The following MAPKAP1 variants were observed in gnomAD, a reference collection of about 807,000 sequenced individuals.
MAPKAP1 encodes target of rapamycin complex 2 subunit MAPKAP1.
A neutral mutation model predicts 65.7 loss-of-function variants in MAPKAP1; 20 were observed. The observed-to-expected ratio is 0.30, with a 90% CI of 0.21 to 0.44. MAPKAP1 has a LOEUF of 0.44. MAPKAP1 is among the 20% of genes least tolerant of loss of function. The pLI, the probability that MAPKAP1 is intolerant of heterozygous loss-of-function variation, is 1.00. For synonymous variants in MAPKAP1, 222 were observed against 244.3 expected, an observed-to-expected ratio of 0.91 and a Z score of 0.85; for missense variants, 423 against 648.0, an observed-to-expected ratio of 0.65 and a Z score of 3.77.
chr9:125,569,480 T>A (rs933621132), intron 5 of MAPKAP1, among the ~76,000 whole-genome samples: 1 of 152,206 alleles, frequency 6.6e-6, no homozygotes, highest in East Asian at 1.9e-4. Flanking sequence ...CCGCGGACTA[T>A]CTTAAATTTT....
At chr9:125,443,705 GC>G (rs1241941114) in intron 11 of MAPKAP1, among the ~76,000 whole-genome samples, 1 of 3,858 alleles carries the variant, frequency 2.6e-4, no homozygotes, top group Admixed American at 1.7e-3. Context: ...AGCTCCCCCA[GC>G]CCCCCCAGCC....
intron 8 of MAPKAP1, among the ~76,000 whole-genome samples, chr9:125,500,517 G>A (rs1259912422): frequency 2.6e-5 from 4 of 152,202 alleles, no homozygotes; most frequent in African/African-American, 9.6e-5. Context: ...AAAAAAGGGA[G>A]GAATACAAAT....
intron 6 of MAPKAP1, among the ~76,000 whole-genome samples, chr9:125,551,622 AGATTCT>A (rs1309706573): frequency 6.6e-6 from 1 of 152,026 alleles, no homozygotes; most frequent in Non-Finnish European, 1.5e-5. Context: ...TAACCTAAGG[AGATTCT>A]GACCATTTTA....
intron 3 of MAPKAP1, among the ~76,000 whole-genome samples, chr9:125,669,450 G>A (rs376471615): frequency 5.8e-4 from 88 of 152,146 alleles, no homozygotes; most frequent in Middle Eastern, 3.4e-3. Flanking sequence ...ATTGCACTCC[G>A]GCCTGGGCAA....
At chr9:125,538,529 ATT>A (rs36039886) in intron 7 of MAPKAP1, among the ~76,000 whole-genome samples, 22 of 145,360 alleles carry the variant, frequency 1.5e-4, no homozygotes, top group African/African-American at 4.7e-4. Flanking sequence ...TTTTACTACA[ATT>A]TTTTTTTTTG....
At chr9:125,597,706 C>T (rs73667021) in intron 4 of MAPKAP1, among the ~76,000 whole-genome samples, 3,035 of 152,256 alleles carry the variant, frequency 0.02, 104 homozygotes, top group African/African-American at 0.069. Context: ...CAGATCATTA[C>T]GTGTAATTTT....
At chr9:125,619,230 G>C (rs1156830375) in intron 4 of MAPKAP1, among the ~76,000 whole-genome samples, 1 of 152,138 alleles carries the variant, frequency 6.6e-6, no homozygotes, top group Non-Finnish European at 1.5e-5. Flanking sequence ...AATTTAAAGA[G>C]GGAGTTAACA....
Position 125,580,214 on chromosome 9 carries a change from C to T in MAPKAP1, c.671+5341G>A, listed in dbSNP as rs780762839. The stretch of plus-strand genomic sequence containing the variant: ...TATACCCAAAGGATTATAAATCATG[C>T]TGCTATAAAGACACATGCACACATG... On this transcript the variant is annotated intron_variant, in intron 5 of 11. Coordinates refer to ENST00000265960, the MANE Select transcript of MAPKAP1 (RefSeq NM_001006617.3). Among the ~76,000 whole-genome samples the T allele has an allele frequency of 5.3e-5, 8 of 152,326 alleles. No individual in the cohort carries two copies. In the South Asian group the frequency reaches 8.3e-4, roughly 16 times the overall value.
chr9:125,459,233 G>A (rs1424083349), intron 10 of MAPKAP1, among the ~76,000 whole-genome samples: 10 of 147,990 alleles, frequency 6.8e-5, no homozygotes, highest in Admixed American at 6.0e-4. Context: ...GGGGCAGAGA[G>A]GCTCCTCACT....
At chr9:125,629,912 T>G (rs1833228861) in intron 4 of MAPKAP1, among the ~76,000 whole-genome samples, 1 of 152,184 alleles carries the variant, frequency 6.6e-6, no homozygotes, top group African/African-American at 2.4e-5. Context: ...TAAATGTGGC[T>G]TTTGTAAACA....
chr9:125,566,656 C>A (rs1040027840), intron 5 of MAPKAP1, among the ~76,000 whole-genome samples: 1 of 152,192 alleles, frequency 6.6e-6, no homozygotes, highest in Non-Finnish European at 1.5e-5. Context: ...CTTCATTACA[C>A]CCAAAACTGA....
chr9:125,500,107 T>C (rs575113112), intron 8 of MAPKAP1, among the ~76,000 whole-genome samples: 3 of 152,214 alleles, frequency 2.0e-5, no homozygotes, highest in African/African-American at 4.8e-5. Flanking sequence ...AGAATCTCTA[T>C]AATATACTGT....
chr9:125,565,672 C>G (rs938261085), intron 5 of MAPKAP1: 1 of 419,630 alleles, frequency 2.4e-6, no homozygotes, highest in African/African-American at 2.2e-5. Context: ...TCCAAAACCC[C>G]TCAGGAAAGT....
chr9:125,561,952 G>A (rs1830906415), intron 5 of MAPKAP1, among the ~76,000 whole-genome samples: 1 of 152,176 alleles, frequency 6.6e-6, no homozygotes, highest in Admixed American at 6.5e-5. Flanking sequence ...ACTGTAATGG[G>A]AGTCAACATG....
At chr9:125,676,907 T>C (rs1330278664) in intron 1 of MAPKAP1, among the ~76,000 whole-genome samples, 1 of 152,246 alleles carries the variant, frequency 6.6e-6, no homozygotes, top group Non-Finnish European at 1.5e-5. Flanking sequence ...CCAAAGCTTT[T>C]AAATTATGTA....
intron 9 of MAPKAP1, among the ~76,000 whole-genome samples, chr9:125,480,974 GGAAAAAAAAA>G (rs1357207378): frequency 6.1e-5 from 6 of 97,648 alleles, no homozygotes; most frequent in Admixed American, 1.1e-4. Context: ...TCCGTTTCGG[GGAAAAAAAAA>G]AAAAAAAAAA....
At chr9:125,668,885 A>G (rs534483975) in intron 3 of MAPKAP1, among the ~76,000 whole-genome samples, 32 of 152,356 alleles carry the variant, frequency 2.1e-4, no homozygotes, top group Non-Finnish European at 4.0e-4. Flanking sequence ...CTGGAAACTC[A>G]TCCAAAATAT....
intron 1 of MAPKAP1, among the ~76,000 whole-genome samples, chr9:125,701,047 G>A (rs1161450918): frequency 6.6e-6 from 1 of 152,214 alleles, no homozygotes; most frequent in Non-Finnish European, 1.5e-5. Flanking sequence ...CAGCAAGAGA[G>A]GAGGGGCAGC....
At chr9:125,645,674 T>G (rs922500310) in intron 4 of MAPKAP1, among the ~76,000 whole-genome samples, 5 of 150,142 alleles carry the variant, frequency 3.3e-5, no homozygotes, top group African/African-American at 1.2e-4. Flanking sequence ...GAGGTGGAGG[T>G]TGCAGTGAGC....
Sources: allele counts gnomAD v4.1 joint callset (sites outside exome capture counted in the v4.1 genomes callset), GRCh38; gene constraint gnomAD v4.1.1; transcripts MANE v1.5; gene names NCBI Gene and HGNC (gene_info 2026-07-23, HGNC 2026-07-21).